The following AGAP1 variants were observed in gnomAD, a reference collection of about 807,000 sequenced individuals.
AGAP1 encodes the protein arf-GAP with GTPase, ANK repeat and PH domain-containing protein 1.
In AGAP1, 29 loss-of-function variants were observed where a neutral mutation model predicts 105.3. That is an observed-to-expected ratio of 0.28 (90% CI 0.21 to 0.38). The LOEUF is 0.38. AGAP1 is among the 10% of genes least tolerant of loss of function. AGAP1 has a pLI of 1.00. For missense variants in AGAP1, 998 were observed against 1,165.1 expected (o/e 0.86, Z 2.09); for synonymous variants, 509 against 485.9 (o/e 1.05, Z -0.63).
At chr2:235,575,251 C>T (rs1340196662) in intron 1 of AGAP1, among the ~76,000 whole-genome samples, 1 of 152,084 alleles carries the variant, frequency 6.6e-6, no homozygotes, top group Non-Finnish European at 1.5e-5. Flanking sequence ...ATGAGTGTTT[C>T]CAAAATTCCT....
rs2054218775 is a variant in AGAP1 at position 235,962,148 on chromosome 2, A to C, written c.1484-6314A>C. 6.6e-6 allele frequency among the ~76,000 whole-genome samples: 1 copy of C among 151,322 alleles called. No individual in the cohort carries two copies. The highest frequency in any genetic ancestry group is 2.5e-5 in the African/African-American group (1 of 40,814). On this transcript the variant is annotated intron_variant, in intron 12 of 17. Coordinates refer to ENST00000304032, the MANE Select transcript of AGAP1 (RefSeq NM_001037131.3). The surrounding 1 kb of genome is among the most constrained non-coding windows in gnomAD (Gnocchi z 5.3). ...TGGGGCGTGGGGTGTTTGAAGCGGG[A>C]GGAGAAGCTTTGAAATAGCCCCTTG... is the stretch of plus-strand genomic sequence containing the variant.
intron 1 of AGAP1, among the ~76,000 whole-genome samples, chr2:235,563,216 C>T (rs1944222735): frequency 6.6e-6 from 1 of 152,194 alleles, no homozygotes; most frequent in Admixed American, 6.5e-5. Flanking sequence ...GCTGCCTGGC[C>T]TTGGCTGTGC....
chr2:236,110,347 A>G (rs995303526), intron 16 of AGAP1, among the ~76,000 whole-genome samples: 15 of 151,852 alleles, frequency 9.9e-5, no homozygotes, highest in Non-Finnish European at 1.6e-4. Context: ...TGGGCAACAG[A>G]GAAAGACCCT....
In AGAP1 at chr2:236,089,354, G is replaced by A. The variant is rs1227685698; in HGVS notation, c.2115-30838G>A. On this transcript the variant is annotated intron_variant, in intron 16 of 17. Coordinates refer to ENST00000304032, the MANE Select transcript of AGAP1 (RefSeq NM_001037131.3). The surrounding 1 kb of genome is among the most constrained non-coding windows in gnomAD (Gnocchi z 5.6). ...TTCCGTAAAGGACACATGTGTCTCT[G>A]TGCCTCTCAGTCTCCCAGTTGCAAA... Among the ~76,000 whole-genome samples, 1 of 152,220 alleles carries A rather than the reference G, an allele frequency of 6.6e-6. No homozygotes were observed. Among genetic ancestry groups the A allele is most frequent in the Non-Finnish European group, 1.5e-5 (1 of 68,040 alleles).
chr2:235,945,403 C>T (rs989252258), intron 12 of AGAP1, among the ~76,000 whole-genome samples: 4 of 152,152 alleles, frequency 2.6e-5, no homozygotes, highest in Non-Finnish European at 4.4e-5. Flanking sequence ...TTAACGCGTG[C>T]GCTAGCAGAA....
intron 1 of AGAP1, among the ~76,000 whole-genome samples, chr2:235,693,396 A>G (rs1467209906): frequency 1.3e-5 from 2 of 152,084 alleles, no homozygotes; most frequent in African/African-American, 4.8e-5. Flanking sequence ...TCCTTGGGCC[A>G]CACCACTCAC....
chr2:236,001,613 G>T lies in AGAP1; in HGVS notation c.1645+32990G>T, dbSNP rs1239772573. Among the ~76,000 whole-genome samples the T allele has an allele frequency of 6.6e-6, 1 of 152,118 alleles. No homozygotes were observed. The highest frequency in any genetic ancestry group is 2.4e-5 in the African/African-American group (1 of 41,418). ...AAAGAGTTAATATGGGAAGTGAGAG[G>T]ACACAGAGGCCAGGGCCGGGAGACC... On this transcript the variant is annotated intron_variant, in intron 13 of 17. Coordinates refer to ENST00000304032, the MANE Select transcript of AGAP1 (RefSeq NM_001037131.3). This position sits in a 1 kb window ranked among gnomAD's most constrained non-coding sequence, Gnocchi z 4.7.
intron 7 of AGAP1, among the ~76,000 whole-genome samples, chr2:235,798,988 G>A (rs1957370221): frequency 1.3e-5 from 2 of 152,010 alleles, no homozygotes; most frequent in Non-Finnish European, 2.9e-5. Flanking sequence ...CATAATGTTG[G>A]CTGTGGTTCT....
rs911914891 is a variant in AGAP1 at position 236,101,731 on chromosome 2, G to A, written c.2115-18461G>A. 6.6e-6 allele frequency among the ~76,000 whole-genome samples: 1 copy of A among 152,200 alleles called. No individual in the cohort carries two copies. Among genetic ancestry groups the A allele is most frequent in the Non-Finnish European group, 1.5e-5 (1 of 68,034 alleles). On this transcript the variant is annotated intron_variant, in intron 16 of 17. Transcript: ENST00000304032. The surrounding 1 kb of genome is among the most constrained non-coding windows in gnomAD (Gnocchi z 4.9). ...GGTGAACGGAATTCACTGTGATGGC[G>A]GCTGCACCAGCAGAGCCGCCGTGGG...
At chr2:236,018,335 A>G (rs73121843) in intron 13 of AGAP1, among the ~76,000 whole-genome samples, 2,328 of 152,340 alleles carry the variant, frequency 0.015, 75 homozygotes, top group African/African-American at 0.053. Flanking sequence ...CCAATGTTCA[A>G]CTGAAAGTAA....
In AGAP1 at chr2:235,750,391, C is replaced by T. The variant is rs148699717; in HGVS notation, c.576C>T (p.Asp192=). ...CTGCTAACCCGAGGGTCATCGATGA[C>T]GCCAGGGCGAGGAAGCTCTCCAACG... The part of the protein sequence containing the change: ...ISSANPRVID[D]ARARKLSNDL... Residue 192 remains aspartate (D), a synonymous_variant, in exon 6 of 18, where the codon GAC becomes GAT. Transcript: ENST00000304032. This position sits in a 1 kb window ranked among gnomAD's most constrained non-coding sequence, Gnocchi z 5.3. 203 of 1,614,158 alleles carry T rather than the reference C, an allele frequency of 1.3e-4. 1 individual carries two copies. The Middle Eastern group carries it at 1.6e-3, about 13-fold the overall frequency.
intron 9 of AGAP1, among the ~76,000 whole-genome samples, chr2:235,825,514 T>C (rs1959016371): frequency 6.6e-6 from 1 of 152,238 alleles, no homozygotes. Flanking sequence ...ATCATTATGC[T>C]TTTGCTTAAC....
chr2:235,694,176 T>C (rs1031727507), intron 1 of AGAP1, among the ~76,000 whole-genome samples: 3 of 148,672 alleles, frequency 2.0e-5, no homozygotes, highest in Non-Finnish European at 4.4e-5. Flanking sequence ...AAACCCCGCC[T>C]CTACTAAAAA....
At chr2:235,501,771 C>G (rs903260634) in intron 1 of AGAP1, among the ~76,000 whole-genome samples, 1 of 152,074 alleles carries the variant, frequency 6.6e-6, no homozygotes, top group African/African-American at 2.4e-5. Context: ...AAACCTGTGT[C>G]CCCCTCCCCG....
In AGAP1 at chr2:235,891,349, TA is replaced by T. The variant is rs1363424564; in HGVS notation, c.1155+7905del. 6.6e-6 allele frequency among the ~76,000 whole-genome samples: 1 copy of T among 152,214 alleles called. No individual in the cohort carries two copies. The highest frequency in any genetic ancestry group is 2.4e-5 in the African/African-American group (1 of 41,452). ...AAAAATTGTATGTCTCCAAGACCTT[TA>T]AAAAGCCCTAACTGCTTAACTTTCT... is the stretch of plus-strand genomic sequence containing the variant. On this transcript the variant is annotated intron_variant, in intron 10 of 17. Transcript: ENST00000304032. This position sits in a 1 kb window ranked among gnomAD's most constrained non-coding sequence, Gnocchi z 4.2.
chr2:236,103,911 G>A (rs1408149637), intron 16 of AGAP1, among the ~76,000 whole-genome samples: 2 of 152,176 alleles, frequency 1.3e-5, no homozygotes, highest in Admixed American at 6.5e-5. Context: ...TCTGGCTCCT[G>A]TCCCCACCCT....
rs990671117 is a variant in AGAP1 at position 235,977,655 on chromosome 2, G to A, written c.1645+9032G>A. 2.6e-5 allele frequency among the ~76,000 whole-genome samples: 4 copies of A among 152,118 alleles called. No individual in the cohort carries two copies. The highest frequency in any genetic ancestry group is 1.3e-4 in the Admixed American group (2 of 15,260). On this transcript the variant is annotated intron_variant, in intron 13 of 17. Coordinates refer to ENST00000304032, the MANE Select transcript of AGAP1 (RefSeq NM_001037131.3). This position sits in a 1 kb window ranked among gnomAD's most constrained non-coding sequence, Gnocchi z 5.2. The stretch of plus-strand genomic sequence containing the variant: ...ATTTTCAGATGTTCTAGCTGAGCTC[G>A]CTTTGTCTTTCCTCCCAGGCCTGGC...
chr2:235,653,016 A>G (rs1009714120), intron 1 of AGAP1, among the ~76,000 whole-genome samples: 17 of 152,182 alleles, frequency 1.1e-4, no homozygotes, highest in Admixed American at 5.2e-4. Context: ...TGACCCATCA[A>G]CAGGTGTGGG....
Position 235,741,034 on chromosome 2 carries a change from C to T in AGAP1, c.382C>T (p.Pro128Ser), listed in dbSNP as rs1559420031. The change falls in exon 4 of 18, where the codon CCC (proline) becomes TCC (serine). Residue 128 changes from proline to serine, a missense_variant. Around this residue, in one of 3 missense-constraint regions of AGAP1, gnomAD observed 735 missense variants for 833.4 expected, o/e 0.88. Coordinates refer to ENST00000304032, the MANE Select transcript of AGAP1 (RefSeq NM_001037131.3). This position sits in a 1 kb window ranked among gnomAD's most constrained non-coding sequence, Gnocchi z 4.9. ...YLLLIRDEGG[P>S]PEAQFAMWVD... The stretch of plus-strand genomic sequence containing the variant: ...GCTGCTGATCAGAGATGAAGGGGGC[C>T]CCCCGGAGGCGCAGGTGAGTATACA... 1.2e-6 allele frequency: 2 copies of T among 1,613,960 alleles called. No individual in the cohort carries two copies. Among genetic ancestry groups the T allele is most frequent in the Non-Finnish European group, 8.5e-7 (1 of 1,179,900 alleles).
Sources: gnomAD v4.1 joint callset for allele counts (sites outside exome capture counted in the v4.1 genomes callset) on GRCh38, gnomAD v4.1.1 for gene constraint, gnomAD v4.1.1 regional missense constraint, Gnocchi (gnomAD v3.1) non-coding constraint, MANE v1.5 for transcripts, NCBI Gene and HGNC (gene_info 2026-07-23, HGNC 2026-07-21) for gene names.